PLXNC1: variants seen among roughly 807,000 people sequenced by gnomAD.
PLXNC1 encodes the protein plexin C1, also known as plexin-C1.
In PLXNC1, 75 loss-of-function variants were observed where a neutral mutation model predicts 178.2. That is an observed-to-expected ratio of 0.42 (90% CI 0.35 to 0.51). PLXNC1 has a LOEUF of 0.51. Among genes scored for constraint, PLXNC1 ranks in the 20% least tolerant of loss-of-function variants. The pLI is 0.02. For missense variants in PLXNC1, 1,503 were observed against 1,984.4 expected, an observed-to-expected ratio of 0.76 and a Z score of 4.61; for synonymous variants, 790 against 779.9, an observed-to-expected ratio of 1.01 and a Z score of -0.22.
intron 17 of PLXNC1, among the ~76,000 whole-genome samples, chr12:94,255,677 A>G (rs1264601216): frequency 1.3e-5 from 2 of 152,246 alleles, no homozygotes; most frequent in Admixed American, 6.5e-5. Flanking sequence ...CATGACTTAC[A>G]TTGCAGTGAC....
chr12:94,163,789 C>T (rs941008287), intron 1 of PLXNC1, among the ~76,000 whole-genome samples: 2 of 152,112 alleles, frequency 1.3e-5, no homozygotes, highest in Admixed American at 6.6e-5. Flanking sequence ...TTCCTTCAGA[C>T]GATCAGAGAG....
intron 5 of PLXNC1, among the ~76,000 whole-genome samples, chr12:94,215,673 A>G (rs776777079): frequency 1.4e-4 from 22 of 152,154 alleles, no homozygotes; most frequent in Non-Finnish European, 3.1e-4. Flanking sequence ...TCAGAAATAG[A>G]TGTAAAAATT....
At chr12:94,160,200 C>T (rs1403105027) in intron 1 of PLXNC1, among the ~76,000 whole-genome samples, 1 of 152,108 alleles carries the variant, frequency 6.6e-6, no homozygotes, top group Admixed American at 6.5e-5. Flanking sequence ...AGGTCTGGCT[C>T]ATCTTTCTTT....
At chr12:94,211,417 A>G (rs1245176094) in intron 5 of PLXNC1, among the ~76,000 whole-genome samples, 1 of 152,228 alleles carries the variant, frequency 6.6e-6, no homozygotes, top group Non-Finnish European at 1.5e-5. Flanking sequence ...TTATTTCAAA[A>G]TATTTCCTAC....
intron 9 of PLXNC1, among the ~76,000 whole-genome samples, chr12:94,229,612 T>G (rs1302116422): frequency 6.6e-6 from 1 of 152,222 alleles, no homozygotes; most frequent in Non-Finnish European, 1.5e-5. Flanking sequence ...TTCTTTTGCA[T>G]GTGGATATCC....
intron 23 of PLXNC1, among the ~76,000 whole-genome samples, chr12:94,293,388 A>G (rs1967563810): frequency 6.6e-6 from 1 of 152,242 alleles, no homozygotes; most frequent in Non-Finnish European, 1.5e-5. Context: ...AACCCATTTC[A>G]GCATTTCTTA....
At position 94,251,516 on chromosome 12, in the gene PLXNC1, A is replaced by G; in HGVS notation, c.2869A>G (p.Ile957Val). Reference sequence around the variant, plus strand: ...GATTGTGCTCCCTGTCTTGCTAGTGATTGTCATTTTTGGTAAGTGCCCTGT... The same window carrying G: ...GATTGTGCTCCCTGTCTTGCTAGTGGTTGTCATTTTTGGTAAGTGCCCTGT... ...FLIVLPVLLV[I>V]VIFAAVGVTR... Residue 957 changes from isoleucine to valine, a missense_variant, in exon 15 of 31, where the codon ATT (isoleucine) becomes GTT (valine). Ile to Val is a conservative substitution (Grantham distance 29). This residue lies in a region of PLXNC1 where 639 missense variants were observed against 979.7 expected (regional missense o/e 0.65). Coordinates refer to ENST00000258526, the MANE Select transcript of PLXNC1 (RefSeq NM_005761.3). 6.2e-7 allele frequency: 1 copy of G among 1,605,188 alleles called. No homozygotes were observed. Among genetic ancestry groups the G allele is most frequent in the Non-Finnish European group, 8.5e-7 (1 of 1,171,924 alleles).
At chr12:94,212,370 CAA>C (rs1290585895) in intron 5 of PLXNC1, among the ~76,000 whole-genome samples, 2 of 151,246 alleles carry the variant, frequency 1.3e-5, no homozygotes, top group African/African-American at 4.9e-5. Context: ...TACATGTGCA[CAA>C]CGTGCAGTTT....
chr12:94,275,235 A>T (rs1393418671), intron 21 of PLXNC1, among the ~76,000 whole-genome samples: 1 of 152,216 alleles, frequency 6.6e-6, no homozygotes, highest in African/African-American at 2.4e-5. Context: ...TGTCTCTGAA[A>T]TTTATCATGA....
At chr12:94,221,041 G>T (rs767354778) in intron 6 of PLXNC1, among the ~76,000 whole-genome samples, 23 of 152,230 alleles carry the variant, frequency 1.5e-4, no homozygotes, top group Non-Finnish European at 2.8e-4. Flanking sequence ...AATCCTGCGA[G>T]CTGTGATGAA....
intron 4 of PLXNC1, among the ~76,000 whole-genome samples, chr12:94,202,309 C>G (rs751997701): frequency 6.6e-6 from 1 of 152,210 alleles, no homozygotes; most frequent in Non-Finnish European, 1.5e-5. Flanking sequence ...GAAGTGTCTG[C>G]AGTTCCTAGT....
intron 21 of PLXNC1, among the ~76,000 whole-genome samples, chr12:94,266,138 G>A (rs1965225352): frequency 6.6e-6 from 1 of 152,182 alleles, no homozygotes; most frequent in Non-Finnish European, 1.5e-5. Flanking sequence ...TGCTCTGGAT[G>A]GTGGGGACTG....
At chr12:94,293,692 C>T (rs73230144) in intron 23 of PLXNC1, among the ~76,000 whole-genome samples, 9,383 of 152,260 alleles carry the variant, frequency 0.062, 351 homozygotes, top group Admixed American at 0.089. Context: ...AGTCAGGGCT[C>T]ACTGCAGCCT....
In PLXNC1 at chr12:94,260,421, G is replaced by A. The variant is rs1299288387; in HGVS notation, c.3252-221G>A. Among the ~76,000 whole-genome samples, 1 of 151,440 alleles carries A rather than the reference G, an allele frequency of 6.6e-6. No individual in the cohort carries two copies. Among genetic ancestry groups the A allele is most frequent in the Admixed American group, 6.6e-5 (1 of 15,206 alleles). ...TATTTTTAAAACATCCCGAAACTTT[G>A]GAAGACTCACATCTTGTTACCACTC... is the stretch of plus-strand genomic sequence containing the variant. On this transcript the variant is annotated intron_variant, in intron 19 of 30. Transcript: ENST00000258526. The surrounding 1 kb of genome is among the most constrained non-coding windows in gnomAD (Gnocchi z 4.4).
At chr12:94,238,289 T>C (rs928231049) in intron 10 of PLXNC1, among the ~76,000 whole-genome samples, 2 of 152,202 alleles carry the variant, frequency 1.3e-5, no homozygotes, top group Non-Finnish European at 2.9e-5. Context: ...ACTGGTTTGG[T>C]TTCAGCCTCC....
chr12:94,158,298 A>G (rs1961250893), intron 1 of PLXNC1: 1 of 152,218 alleles, frequency 6.6e-6, no homozygotes, highest in African/African-American at 2.4e-5. Context: ...ACAAGCAGGA[A>G]GTTGAGTAAG....
chr12:94,205,926 C>A (rs1398086692), intron 4 of PLXNC1, among the ~76,000 whole-genome samples: 4 of 152,346 alleles, frequency 2.6e-5, no homozygotes, highest in African/African-American at 9.6e-5. Context: ...AGTTTGTGGG[C>A]TCTGAAATCA....
chr12:94,250,643 A>C (rs75616281), intron 14 of PLXNC1, among the ~76,000 whole-genome samples: 1,698 of 152,264 alleles, frequency 0.011, 24 homozygotes, highest in African/African-American at 0.038. Flanking sequence ...AATATAACCC[A>C]AAAAAATGCT....
intron 23 of PLXNC1, among the ~76,000 whole-genome samples, chr12:94,288,011 G>A (rs1406659245): frequency 2.6e-5 from 4 of 152,142 alleles, no homozygotes; most frequent in African/African-American, 4.8e-5. Context: ...GAAAGCAGGC[G>A]AAATAACCAC....
Sources: gnomAD v4.1 joint callset for allele counts (sites outside exome capture counted in the v4.1 genomes callset) on GRCh38, gnomAD v4.1.1 for gene constraint, gnomAD v4.1.1 regional missense constraint, Gnocchi (gnomAD v3.1) non-coding constraint, MANE v1.5 for transcripts, NCBI Gene and HGNC (gene_info 2026-07-23, HGNC 2026-07-21) for gene names.